ABCB5: variants seen among roughly 807,000 people sequenced by gnomAD.
The protein encoded by ABCB5 is ATP binding cassette subfamily B member 5.
In ABCB5, 155 loss-of-function variants were observed where a neutral mutation model predicts 144.2. That is an observed-to-expected ratio of 1.08 (90% CI 0.94 to 1.23). The LOEUF is 1.23. Ranked by LOEUF, ABCB5 falls within the 50% of genes most tolerant of loss-of-function variation. ABCB5 has a pLI of 0.00. For synonymous variants in ABCB5, 610 were observed against 528.6 expected, an observed-to-expected ratio of 1.15 and a Z score of -2.11; for missense variants, 1,830 against 1,520.8, an observed-to-expected ratio of 1.20 and a Z score of -3.38.
Position 20,698,439 on chromosome 7 carries a change from T to A in ABCB5, c.2043T>A (p.Ile681=). ...TTCCTGAAGTCTCTCTATTAAAAAT[T>A]TTAAAGTTAAACAAGCCTGAATGGC... ...ISLPEVSLLK[I]LKLNKPEWPF... The change falls in exon 17 of 28, where the codon ATT becomes ATA. Residue 681 remains isoleucine (I), a synonymous_variant. Coordinates refer to ENST00000404938, the MANE Select transcript of ABCB5 (RefSeq NM_001163941.2). The A allele has an allele frequency of 6.3e-7, 1 of 1,582,532 alleles. No individual in the cohort carries two copies. The highest frequency in any genetic ancestry group is 8.5e-7 in the Non-Finnish European group (1 of 1,170,946).
At chr7:20,733,464 C>T (rs1255108991) in intron 23 of ABCB5, among the ~76,000 whole-genome samples, 1 of 151,870 alleles carries the variant, frequency 6.6e-6, no homozygotes, top group African/African-American at 2.4e-5. Context: ...AAGGGGGTCT[C>T]TTCTAGATAC....
At chr7:20,617,195 A>G (rs1783705752) in intron 1 of ABCB5, among the ~76,000 whole-genome samples, 1 of 152,170 alleles carries the variant, frequency 6.6e-6, no homozygotes, top group Non-Finnish European at 1.5e-5. Context: ...TAGGCTGTTC[A>G]GTGCTTAAAA....
At chr7:20,656,176 T>C (rs1784785782) in intron 13 of ABCB5, among the ~76,000 whole-genome samples, 1 of 152,194 alleles carries the variant, frequency 6.6e-6, no homozygotes, top group Admixed American at 6.5e-5. Context: ...AAGCGTAAAC[T>C]TCAAAAATTA....
At chr7:20,629,185 T>TGTGTGTG (rs1783977976) in intron 4 of ABCB5, among the ~76,000 whole-genome samples, 1 of 145,068 alleles carries the variant, frequency 6.9e-6, no homozygotes, top group African/African-American at 2.6e-5. Flanking sequence ...TGTGTGTGTG[T>TGTGTGTG]AAAGAGTGAG....
intron 12 of ABCB5, among the ~76,000 whole-genome samples, chr7:20,650,901 C>G (rs1256946229): frequency 6.6e-6 from 1 of 152,142 alleles, no homozygotes; most frequent in Admixed American, 6.5e-5. Context: ...GTTAGAATTA[C>G]CAAACCCTGG....
chr7:20,731,002 C>T (rs895432999), intron 23 of ABCB5, among the ~76,000 whole-genome samples: 12 of 152,082 alleles, frequency 7.9e-5, no homozygotes, highest in Admixed American at 7.2e-4. Flanking sequence ...GAATTTTCAT[C>T]TGTTTTCATC....
intron 14 of ABCB5, among the ~76,000 whole-genome samples, chr7:20,668,596 G>GA (rs1365767199): frequency 1.4e-5 from 2 of 143,318 alleles, no homozygotes; most frequent in Non-Finnish European, 3.0e-5. Flanking sequence ...GAGGTGGGGG[G>GA]GGGGGTCAGC....
chr7:20,750,046 G>C (rs1782867839), intron 26 of ABCB5, among the ~76,000 whole-genome samples: 2 of 152,122 alleles, frequency 1.3e-5, no homozygotes, highest in African/African-American at 4.8e-5. Flanking sequence ...AGTTACTAAG[G>C]AGTCACTGAA....
At chr7:20,710,205 T>A (rs914292142) in intron 20 of ABCB5, among the ~76,000 whole-genome samples, 1 of 147,148 alleles carries the variant, frequency 6.8e-6, no homozygotes, top group South Asian at 2.2e-4. Flanking sequence ...TGAGACCGTC[T>A]CTCTACTAAA....
At chr7:20,706,307 T>C (rs1421425925) in intron 20 of ABCB5, among the ~76,000 whole-genome samples, 1 of 152,216 alleles carries the variant, frequency 6.6e-6, no homozygotes, top group Non-Finnish European at 1.5e-5. Flanking sequence ...GTTTGTCTCT[T>C]ACTACTTATA....
Position 20,715,252 on chromosome 7 carries a change from G to A in ABCB5, c.2422-7764G>A, listed in dbSNP as rs192172872. Among the ~76,000 whole-genome samples the A allele has an allele frequency of 5.0e-4, 76 of 152,172 alleles. 1 individual carries two copies. The highest frequency in any genetic ancestry group is 2.5e-3 in the Admixed American group (38 of 15,288). On this transcript the variant is annotated intron_variant, in intron 20 of 27. Transcript: ENST00000404938. ...GCAGAAATGGAGTTTCACCACATTG[G>A]CCAGGCTGGTTTTGAACTCCTGACC...
chr7:20,626,314 A>G (rs1029610167), intron 2 of ABCB5, among the ~76,000 whole-genome samples: 2 of 152,240 alleles, frequency 1.3e-5, no homozygotes, highest in African/African-American at 4.8e-5. Flanking sequence ...TAAAGTCTAC[A>G]TTATATCTAT....
intron 18 of ABCB5, 33 bp from the exon 19 acceptor site, chr7:20,700,025 A>C (rs753317620): frequency 6.2e-7 from 1 of 1,607,102 alleles, no homozygotes. Context: ...TACAAAGGAA[A>C]AGAACGTAGA....
intron 2 of ABCB5, 62 bp from the exon 3 acceptor site, chr7:20,626,494 TG>T (rs2128017661): frequency 2.0e-6 from 3 of 1,467,294 alleles, no homozygotes; most frequent in Non-Finnish European, 2.8e-6. Flanking sequence ...AAACTATTAA[TG>T]GAAAAATTTT....
chr7:20,651,722 G>T (rs961047553), intron 13 of ABCB5, 99 bp downstream of exon 13: 2 of 1,274,800 alleles, frequency 1.6e-6, no homozygotes, highest in African/African-American at 1.5e-5. Flanking sequence ...GAATAGTAGG[G>T]GTGTGATTAA....
At chr7:20,667,778 C>T (rs1043805140) in intron 14 of ABCB5, among the ~76,000 whole-genome samples, 2 of 147,672 alleles carry the variant, frequency 1.4e-5, no homozygotes, top group Non-Finnish European at 3.0e-5. Flanking sequence ...CCGAGCCAAA[C>T]CTGGACTGTA....
At chr7:20,654,179 GTTTTTT>G (rs149803992) in intron 13 of ABCB5, among the ~76,000 whole-genome samples, 1 of 149,146 alleles carries the variant, frequency 6.7e-6, no homozygotes. Flanking sequence ...AATCAGCACT[GTTTTTT>G]TTTTGTTTTT....
intron 21 of ABCB5, among the ~76,000 whole-genome samples, chr7:20,724,034 C>A (rs1454765797): frequency 6.6e-6 from 1 of 152,096 alleles, no homozygotes; most frequent in Admixed American, 6.6e-5. Flanking sequence ...CAACCATTAA[C>A]CTGAAGTAGG....
In ABCB5 at chr7:20,623,256, G is replaced by T; in HGVS notation, c.-21-9G>T. 6.9e-7 allele frequency: 1 copy of T among 1,441,568 alleles called. No homozygotes were observed. Among genetic ancestry groups the T allele is most frequent in the Non-Finnish European group, 9.5e-7 (1 of 1,047,666 alleles). The allele number at this position is 1,441,568 out of a possible 1,614,324, so 89.3% of individuals were successfully genotyped here. On this transcript the variant is annotated splice_polypyrimidine_tract_variant and intron_variant, in intron 1 of 27. Transcript: ENST00000404938. Reference sequence around the variant, plus strand: ...TAGCCATAATACATTTGTTAAAATTGTATTTCAGAAGAAGTAAATTGTAAA... The same window carrying T: ...TAGCCATAATACATTTGTTAAAATTTTATTTCAGAAGAAGTAAATTGTAAA...
Sources: gnomAD v4.1 joint callset for allele counts (sites outside exome capture counted in the v4.1 genomes callset) on GRCh38, gnomAD v4.1.1 for gene constraint, MANE v1.5 for transcripts, NCBI Gene and HGNC (gene_info 2026-07-23, HGNC 2026-07-21) for gene names.